MAGI1: variants seen among roughly 807,000 people sequenced by gnomAD.
The protein encoded by MAGI1 is membrane-associated guanylate kinase, WW and PDZ domain-containing protein 1.
MAGI1 carries 58 observed loss-of-function variants against 139.9 expected under a neutral mutation model. The ratio of observed to expected loss-of-function variants is 0.41; its 90% CI spans 0.34 to 0.52. The LOEUF (loss-of-function observed/expected upper bound fraction) is 0.52, where lower values mean the gene tolerates loss of function less well. MAGI1 is among the 20% of genes least tolerant of loss of function. MAGI1 has a pLI of 0.12. For synonymous variants in MAGI1, 812 were observed against 737.9 expected, an observed-to-expected ratio of 1.10 and a Z score of -1.63; for missense variants, 1,874 against 1,901.6, an observed-to-expected ratio of 0.99 and a Z score of 0.27.
intron 7 of MAGI1, among the ~76,000 whole-genome samples, chr3:65,447,264 G>C (rs1345737153): frequency 1.3e-5 from 2 of 152,176 alleles, no homozygotes. Context: ...TGTTGTTCAA[G>C]GTTGAACATA....
At chr3:65,810,619 T>C (rs761166700) in intron 1 of MAGI1, among the ~76,000 whole-genome samples, 1 of 152,198 alleles carries the variant, frequency 6.6e-6, no homozygotes, top group Non-Finnish European at 1.5e-5. Flanking sequence ...AAAGGTTTCA[T>C]CTCTGTCAGG....
chr3:65,978,236 A>G (rs1184942572), intron 1 of MAGI1, among the ~76,000 whole-genome samples: 1 of 152,236 alleles, frequency 6.6e-6, no homozygotes, highest in African/African-American at 2.4e-5. Context: ...TCCTCTTACA[A>G]ATGAGAAAAC....
Position 66,010,872 on chromosome 3 carries a change from C to T in MAGI1, c.313+27124G>A, listed in dbSNP as rs564144143. On this transcript the variant is annotated intron_variant, in intron 1 of 22. Transcript: ENST00000402939. ...AAAGCATAGAGCAAATATTTTATGG[C>T]CGGTCTCATCCTAGTGCCGTAGTGG... Among the ~76,000 whole-genome samples, 70 of 152,176 alleles carry T rather than the reference C, an allele frequency of 4.6e-4. 1 individual carries two copies. Among genetic ancestry groups the T allele is most frequent in the Non-Finnish European group, 5.1e-4 (35 of 68,030 alleles).
At chr3:65,827,980 T>C (rs2042320692) in intron 1 of MAGI1, among the ~76,000 whole-genome samples, 1 of 152,148 alleles carries the variant, frequency 6.6e-6, no homozygotes, top group Non-Finnish European at 1.5e-5. Flanking sequence ...GAACATTTCC[T>C]TCCAGATGAA....
At chr3:65,878,506 ACTC>A in intron 1 of MAGI1, among the ~76,000 whole-genome samples, 1 of 140,496 alleles carries the variant, frequency 7.1e-6, no homozygotes. Context: ...ACAGAGCGAG[ACTC>A]AGTCTCAAAA....
intron 1 of MAGI1, among the ~76,000 whole-genome samples, chr3:65,808,250 G>T (rs2041002338): frequency 6.6e-6 from 1 of 152,120 alleles, no homozygotes; most frequent in African/African-American, 2.4e-5. Context: ...CTCCCAAATT[G>T]CTGGGATTAC....
chr3:65,457,869 G>T (rs1028896345), intron 5 of MAGI1, among the ~76,000 whole-genome samples: 5 of 152,004 alleles, frequency 3.3e-5, no homozygotes, highest in Admixed American at 6.6e-5. Context: ...TCACCCTGCT[G>T]TGCTATCAAA....
rs1004472607 is a variant in MAGI1, at chr3:65,509,441, G to T, written c.431-15810C>A. Among the ~76,000 whole-genome samples, 19 of 152,254 alleles carry T rather than the reference G, an allele frequency of 1.2e-4. No homozygotes were observed. The South Asian group carries it at 2.1e-3, about 17-fold the overall frequency. On this transcript the variant is annotated intron_variant, in intron 2 of 22. Coordinates refer to ENST00000402939, the MANE Select transcript of MAGI1 (RefSeq NM_001033057.2). ...GCCAGACAGTGGGCGCAGGTCAGTG[G>T]GTGCGCGTACCGTGCGCAAGCCGAA...
At chr3:65,477,780 T>A (rs909373669) in intron 4 of MAGI1, among the ~76,000 whole-genome samples, 5 of 150,776 alleles carry the variant, frequency 3.3e-5, no homozygotes, top group African/African-American at 1.2e-4. Context: ...AGTGCAGTGG[T>A]GCAATCTCGG....
intron 1 of MAGI1, among the ~76,000 whole-genome samples, chr3:65,817,734 C>T (rs147404966): frequency 1.7e-4 from 26 of 152,170 alleles, no homozygotes; most frequent in South Asian, 2.1e-4. Context: ...TCCTATTCTG[C>T]TCTATGTCAT....
intron 1 of MAGI1, among the ~76,000 whole-genome samples, chr3:65,845,775 G>A (rs1166004437): frequency 6.6e-6 from 1 of 152,082 alleles, no homozygotes; most frequent in Non-Finnish European, 1.5e-5. Context: ...GACCTTCTCT[G>A]GTTCCAAATG....
chr3:65,789,695 C>T (rs1029716065), intron 1 of MAGI1, among the ~76,000 whole-genome samples: 3 of 152,254 alleles, frequency 2.0e-5, no homozygotes, highest in East Asian at 1.9e-4. Flanking sequence ...CTGATTTAGC[C>T]GGGATCTCCC....
At chr3:65,741,965 T>C (rs901929245) in intron 1 of MAGI1, among the ~76,000 whole-genome samples, 1 of 152,128 alleles carries the variant, frequency 6.6e-6, no homozygotes, top group African/African-American at 2.4e-5. Flanking sequence ...GAGGACAGCA[T>C]AGAGGAGGTG....
intron 1 of MAGI1, among the ~76,000 whole-genome samples, chr3:65,879,659 A>G (rs1029791079): frequency 3.9e-5 from 6 of 152,200 alleles, no homozygotes; most frequent in African/African-American, 9.6e-5. Flanking sequence ...CTACAACTCA[A>G]TTTAGAGTTA....
chr3:65,731,008 G>T (rs756284281), intron 1 of MAGI1, among the ~76,000 whole-genome samples: 1 of 151,890 alleles, frequency 6.6e-6, no homozygotes, highest in Admixed American at 6.6e-5. Context: ...ACCTCTAGAG[G>T]CATCTTCTAG....
intron 2 of MAGI1, among the ~76,000 whole-genome samples, chr3:65,545,428 T>C (rs1244095225): frequency 2.6e-5 from 4 of 152,212 alleles, no homozygotes; most frequent in Non-Finnish European, 5.9e-5. Context: ...TCATGGGTCA[T>C]TTCTCACTTT....
At chr3:65,762,083 G>C (rs774291611) in intron 1 of MAGI1, among the ~76,000 whole-genome samples, 1 of 151,870 alleles carries the variant, frequency 6.6e-6, no homozygotes, top group African/African-American at 2.4e-5. Context: ...TTTTCTTTAT[G>C]GTAACTCACT....
intron 18 of MAGI1, among the ~76,000 whole-genome samples, chr3:65,366,172 T>G (rs2106760390): frequency 6.6e-6 from 1 of 152,300 alleles, no homozygotes; most frequent in South Asian, 2.1e-4. Context: ...ATATGCAATG[T>G]TTAAGCTCTG....
intron 1 of MAGI1, among the ~76,000 whole-genome samples, chr3:65,831,325 A>G (rs890998890): frequency 1.3e-5 from 2 of 152,240 alleles, no homozygotes; most frequent in African/African-American, 4.8e-5. Context: ...AAAATTTTTT[A>G]CAGAATACAA....
Sources: gnomAD v4.1 joint callset for allele counts (sites outside exome capture counted in the v4.1 genomes callset) on GRCh38, gnomAD v4.1.1 for gene constraint, MANE v1.5 for transcripts, NCBI Gene and HGNC (gene_info 2026-07-23, HGNC 2026-07-21) for gene names.